The following PHACTR1 variants were observed in gnomAD, a reference collection of about 807,000 sequenced individuals.
PHACTR1 encodes the protein phosphatase and actin regulator 1.
Under a neutral mutation model 69.2 loss-of-function variants are expected in PHACTR1, and 16 were observed. That is an observed-to-expected ratio of 0.23 (90% CI 0.16 to 0.35). PHACTR1 has a LOEUF of 0.35. Among genes scored for constraint, PHACTR1 ranks in the 10% least tolerant of loss-of-function variants. The pLI, the probability that PHACTR1 is intolerant of heterozygous loss-of-function variation, is 1.00. For synonymous variants in PHACTR1, 312 were observed against 284.5 expected (o/e 1.10, Z -0.97); for missense variants, 510 against 734.7 (o/e 0.69, Z 3.54).
intron 4 of PHACTR1, among the ~76,000 whole-genome samples, chr6:12,772,528 G>T (rs554744897): frequency 6.6e-6 from 1 of 152,046 alleles, no homozygotes; most frequent in Non-Finnish European, 1.5e-5. Flanking sequence ...AAGATATTTT[G>T]TGCCTACTTT....
At chr6:13,240,050 TAA>T (rs112143131) in intron 10 of PHACTR1, among the ~76,000 whole-genome samples, 2 of 145,264 alleles carry the variant, frequency 1.4e-5, no homozygotes, top group Non-Finnish European at 1.5e-5. Flanking sequence ...AAAGTTTCTT[TAA>T]AAAAAAAAAA....
At chr6:13,158,854 C>T (rs887046892) in intron 5 of PHACTR1, among the ~76,000 whole-genome samples, 22 of 152,200 alleles carry the variant, frequency 1.4e-4, no homozygotes, top group African/African-American at 4.8e-4. Flanking sequence ...GACTAAATTC[C>T]GTTGAGGGCA....
intron 4 of PHACTR1, among the ~76,000 whole-genome samples, chr6:12,918,852 G>A (rs375141369): frequency 9.7e-4 from 148 of 152,320 alleles, no homozygotes; most frequent in African/African-American, 3.2e-3. Flanking sequence ...ACAACCATTC[G>A]TTCAGATCAC....
intron 10 of PHACTR1, among the ~76,000 whole-genome samples, chr6:13,249,014 T>C (rs1374446210): frequency 2.0e-5 from 3 of 152,240 alleles, no homozygotes; most frequent in Non-Finnish European, 4.4e-5. Context: ...CCGTCCTCCC[T>C]TGCCAGCCAC....
chr6:12,757,754 A>T (rs376376582), intron 4 of PHACTR1, among the ~76,000 whole-genome samples: 1 of 152,162 alleles, frequency 6.6e-6, no homozygotes, highest in Non-Finnish European at 1.5e-5. Context: ...AGGATTGGTC[A>T]GGAGCTCAGA....
intron 4 of PHACTR1, among the ~76,000 whole-genome samples, chr6:12,850,469 CTT>C (rs1779723884): frequency 3.3e-5 from 5 of 152,174 alleles, no homozygotes; most frequent in Admixed American, 3.3e-4. Context: ...GGAAGGGAAA[CTT>C]TACTTCTTCA....
At chr6:12,831,941 A>G (rs1480802002) in intron 4 of PHACTR1, among the ~76,000 whole-genome samples, 1 of 152,038 alleles carries the variant, frequency 6.6e-6, no homozygotes, top group Non-Finnish European at 1.5e-5. Context: ...TGGAGGAGGA[A>G]ATAAAAATCA....
chr6:13,286,593 G>A (rs1372356589), intron 14 of PHACTR1, among the ~76,000 whole-genome samples: 3 of 152,146 alleles, frequency 2.0e-5, no homozygotes, highest in East Asian at 1.9e-4. Context: ...ACATCCACAC[G>A]GGACTTCCAA....
chr6:12,804,659 A>C (rs1159647363), intron 4 of PHACTR1, among the ~76,000 whole-genome samples: 1 of 152,162 alleles, frequency 6.6e-6, no homozygotes. Flanking sequence ...CTGTCTCTAC[A>C]AAAAGCACAA....
chr6:13,228,164 C>T, intron 9 of PHACTR1, 101 bp downstream of exon 9: 2 of 1,430,816 alleles, frequency 1.4e-6, no homozygotes, highest in African/African-American at 1.4e-5. Flanking sequence ...GTTCTAATCC[C>T]TGCTCTGGTG....
In PHACTR1 at chr6:12,797,332, T is replaced by C. The variant is rs1180942515; in HGVS notation, c.250+47542T>C. On this transcript the variant is annotated intron_variant, in intron 4 of 14. Transcript: ENST00000332995. ...CATTCACGGACTGCATATTGTGCAG[T>C]GATTCAAAGGCAAGCACTTCCACTG... 3.3e-5 allele frequency among the ~76,000 whole-genome samples: 5 copies of C among 152,132 alleles called. No individual in the cohort carries two copies. In the East Asian group the frequency reaches 9.6e-4, roughly 29 times the overall value.
At chr6:13,219,427 G>A (rs866415129) in intron 8 of PHACTR1, among the ~76,000 whole-genome samples, 9 of 152,298 alleles carry the variant, frequency 5.9e-5, no homozygotes, top group African/African-American at 1.9e-4. Context: ...GCAGGGTCAT[G>A]GGAGGAGCGT....
chr6:12,850,868 G>A (rs1170237989), intron 4 of PHACTR1, among the ~76,000 whole-genome samples: 3 of 152,126 alleles, frequency 2.0e-5, no homozygotes. Context: ...TATTGGATCA[G>A]GTCCCACCTT....
At chr6:13,272,126 C>T (rs1048630696) in intron 10 of PHACTR1, 11 of 152,282 alleles carry the variant, frequency 7.2e-5, no homozygotes, top group African/African-American at 2.2e-4. Flanking sequence ...ATTCCTGGGA[C>T]CTAATGCAGG....
chr6:12,798,582 G>A (rs974331112), intron 4 of PHACTR1, among the ~76,000 whole-genome samples: 8 of 152,168 alleles, frequency 5.3e-5, no homozygotes, highest in African/African-American at 1.7e-4. Context: ...GTCAGTGCCC[G>A]GGTGATGCCA....
At chr6:13,286,065 ATGT>A in intron 13 of PHACTR1, 78 bp from the exon 14 acceptor site, 1 of 1,184,992 alleles carries the variant, frequency 8.4e-7, no homozygotes, top group South Asian at 1.5e-5. Flanking sequence ...GAAGAAAAAT[ATGT>A]TGTTAGGAAT....
rs893051955 is a variant in PHACTR1 at position 13,286,019 on chromosome 6, A to G, written c.1651-127A>G. 1.1e-5 allele frequency: 8 copies of G among 733,652 alleles called. No individual in the cohort carries two copies. In the African/African-American group the frequency reaches 1.5e-4, roughly 14 times the overall value. 45.4% of individuals were successfully genotyped at this position (733,652 alleles called of 1,614,324 possible). ...CAGGTGATTTTTCTTCCTCCCAATG[A>G]AAGAATCCATCTTAAACTTGTTTGT... On this transcript the variant is annotated intron_variant, in intron 13 of 14. Transcript: ENST00000332995.
At chr6:13,067,883 T>C (rs1808895643) in intron 5 of PHACTR1, among the ~76,000 whole-genome samples, 2 of 152,174 alleles carry the variant, frequency 1.3e-5, no homozygotes, top group African/African-American at 4.8e-5. Context: ...TACTTACTTC[T>C]AAGATAAGGA....
chr6:13,075,023 G>A (rs1245538119), intron 5 of PHACTR1, among the ~76,000 whole-genome samples: 1 of 152,160 alleles, frequency 6.6e-6, no homozygotes, highest in Admixed American at 6.5e-5. Context: ...ATAGAATTGG[G>A]TATTGAGATT....
Sources: gnomAD v4.1 joint callset for allele counts (sites outside exome capture counted in the v4.1 genomes callset) on GRCh38, gnomAD v4.1.1 for gene constraint, MANE v1.5 for transcripts, NCBI Gene and HGNC (gene_info 2026-07-23, HGNC 2026-07-21) for gene names.